Variants in IGF1R observed in about 807,000 individuals in gnomAD.
IGF1R encodes the protein insulin like growth factor 1 receptor.
Under a neutral mutation model 144.6 loss-of-function variants are expected in IGF1R, and 44 were observed. The ratio of observed to expected loss-of-function variants is 0.30; its 90% confidence interval spans 0.24 to 0.39. IGF1R has a LOEUF of 0.39. IGF1R is among the 10% of genes least tolerant of loss of function. IGF1R has a pLI of 1.00. For missense variants in IGF1R, 1,355 were observed against 1,833.7 expected, an observed-to-expected ratio of 0.74 and a Z score of 4.77; for synonymous variants, 795 against 722.8, an observed-to-expected ratio of 1.10 and a Z score of -1.60.
intron 2 of IGF1R, among the ~76,000 whole-genome samples, chr15:98,887,682 C>A (rs1227075553): frequency 6.6e-6 from 1 of 152,160 alleles, no homozygotes; most frequent in Non-Finnish European, 1.5e-5. Flanking sequence ...ACACGCCTGA[C>A]GAGCGGGAAT....
At chr15:98,803,241 G>C (rs1001726415) in intron 2 of IGF1R, among the ~76,000 whole-genome samples, 1 of 152,188 alleles carries the variant, frequency 6.6e-6, no homozygotes, top group East Asian at 1.9e-4. Context: ...CTGCAAACCC[G>C]TGGAGCATGT....
intron 2 of IGF1R, among the ~76,000 whole-genome samples, chr15:98,808,716 A>G (rs2056520681): frequency 7.2e-6 from 1 of 138,418 alleles, no homozygotes; most frequent in Admixed American, 7.5e-5. Context: ...GTCTTGCCTT[A>G]TTGCCTACAC....
At chr15:98,862,685 T>C (rs1370712131) in intron 2 of IGF1R, among the ~76,000 whole-genome samples, 1 of 152,234 alleles carries the variant, frequency 6.6e-6, no homozygotes, top group Non-Finnish European at 1.5e-5. Context: ...TTTTTGAGTT[T>C]GTCAGTCATT....
intron 1 of IGF1R, among the ~76,000 whole-genome samples, chr15:98,706,586 G>C (rs1006337987): frequency 3.3e-5 from 4 of 120,772 alleles, no homozygotes; most frequent in African/African-American, 1.5e-4. Context: ...ATAAGGGATT[G>C]GTTAAAAAAA....
intron 13 of IGF1R, among the ~76,000 whole-genome samples, chr15:98,927,863 A>G (rs1266696284): frequency 1.3e-5 from 2 of 152,224 alleles, no homozygotes; most frequent in Non-Finnish European, 2.9e-5. Context: ...CTTGATCCCC[A>G]GTGATTCCAG....
intron 2 of IGF1R, among the ~76,000 whole-genome samples, chr15:98,819,785 T>A (rs1014528667): frequency 1.3e-5 from 2 of 152,202 alleles, no homozygotes; most frequent in South Asian, 2.1e-4. Flanking sequence ...TACTTTTATG[T>A]TGGATAAAAA....
intron 19 of IGF1R, among the ~76,000 whole-genome samples, chr15:98,945,132 C>T (rs1017624362): frequency 2.0e-5 from 3 of 152,352 alleles, no homozygotes; most frequent in South Asian, 4.1e-4. Context: ...GGAAACCAGA[C>T]GAAGGACTGG....
intron 2 of IGF1R, among the ~76,000 whole-genome samples, chr15:98,847,783 G>A (rs1264166942): frequency 6.6e-6 from 1 of 152,138 alleles, no homozygotes; most frequent in Non-Finnish European, 1.5e-5. Context: ...TGCTATTTGA[G>A]TTTTTTAGGA....
At chr15:98,758,173 C>T (rs1226511795) in intron 2 of IGF1R, among the ~76,000 whole-genome samples, 1 of 151,902 alleles carries the variant, frequency 6.6e-6, no homozygotes, top group East Asian at 1.9e-4. Flanking sequence ...TCTAGAGCAA[C>T]AGATCTTTTC....
intron 18 of IGF1R, among the ~76,000 whole-genome samples, 195 bp downstream of exon 18, chr15:98,939,555 T>A (rs2016288374): frequency 1.3e-5 from 2 of 152,186 alleles, no homozygotes; most frequent in South Asian, 4.1e-4. Flanking sequence ...TGATAGCTCA[T>A]GGACATGGTG....
At chr15:98,759,164 C>T (rs1177626872) in intron 2 of IGF1R, among the ~76,000 whole-genome samples, 1 of 152,148 alleles carries the variant, frequency 6.6e-6, no homozygotes, top group Admixed American at 6.5e-5. Flanking sequence ...CGCACAGGGG[C>T]AGGGGGCACT....
At chr15:98,785,670 C>T (rs144301118) in intron 2 of IGF1R, among the ~76,000 whole-genome samples, 12 of 152,130 alleles carry the variant, frequency 7.9e-5, no homozygotes, top group African/African-American at 2.7e-4. Flanking sequence ...AGATTGAATT[C>T]GATAGTGTTG....
chr15:98,937,438 A>T (rs1461729912), intron 17 of IGF1R, among the ~76,000 whole-genome samples: 1 of 152,194 alleles, frequency 6.6e-6, no homozygotes, highest in African/African-American at 2.4e-5. Flanking sequence ...AGTGTCCTCA[A>T]TATAAAATAA....
chr15:98,899,981 G>A (rs1021212259), intron 5 of IGF1R, among the ~76,000 whole-genome samples: 2 of 152,216 alleles, frequency 1.3e-5, no homozygotes, highest in East Asian at 1.9e-4. Flanking sequence ...ATCATTGTTC[G>A]CGCGACCCTC....
chr15:98,804,574 G>C (rs779415092), intron 2 of IGF1R, among the ~76,000 whole-genome samples: 5 of 152,172 alleles, frequency 3.3e-5, no homozygotes, highest in Admixed American at 6.5e-5. Flanking sequence ...GAGGAAGAGA[G>C]CAGCGCACAC....
At chr15:98,655,742 G>A (rs184714290) in intron 1 of IGF1R, among the ~76,000 whole-genome samples, 38 of 143,806 alleles carry the variant, frequency 2.6e-4, no homozygotes, top group African/African-American at 1.0e-3. Flanking sequence ...TTTTTTTTGA[G>A]ACAGGGTCTC....
chr15:98,778,421 G>A (rs561832624), intron 2 of IGF1R, among the ~76,000 whole-genome samples: 2 of 152,256 alleles, frequency 1.3e-5, no homozygotes, highest in South Asian at 4.2e-4. Flanking sequence ...ATGTCATTTT[G>A]CCTATCCTTC....
At chr15:98,671,241 A>G (rs1178367796) in intron 1 of IGF1R, among the ~76,000 whole-genome samples, 1 of 149,990 alleles carries the variant, frequency 6.7e-6, no homozygotes, top group Non-Finnish European at 1.5e-5. Flanking sequence ...AAAATCAGGT[A>G]TAGTCTTTCC....
At chr15:98,659,092 T>G (rs368442466) in intron 1 of IGF1R, among the ~76,000 whole-genome samples, 1 of 152,224 alleles carries the variant, frequency 6.6e-6, no homozygotes, top group Non-Finnish European at 1.5e-5. Flanking sequence ...TGGATAGAAA[T>G]ATAAGGCTTA....
Sources: gnomAD v4.1 joint callset for allele counts (sites outside exome capture counted in the v4.1 genomes callset) on GRCh38, gnomAD v4.1.1 for gene constraint, MANE v1.5 for transcripts, NCBI Gene and HGNC (gene_info 2026-07-23, HGNC 2026-07-21) for gene names.